Variants in ADAMTSL1 observed in about 807,000 individuals in gnomAD.
ADAMTSL1 encodes ADAMTS like 1.
Under a neutral mutation model 201.8 loss-of-function variants are expected in ADAMTSL1, and 126 were observed. That is an observed-to-expected ratio of 0.62 (90% CI 0.54 to 0.72). The LOEUF is 0.72. Among genes scored for constraint, ADAMTSL1 ranks in the 30% least tolerant of loss-of-function variants. The probability of loss-of-function intolerance (pLI) is 0.00; values close to 1 mark genes in which losing one functional copy is unlikely to be tolerated. For missense variants in ADAMTSL1, 2,679 were observed against 2,277.8 expected (o/e 1.18, Z -3.59); for synonymous variants, 1,121 against 903.4 (o/e 1.24, Z -4.32).
intron 2 of ADAMTSL1, among the ~76,000 whole-genome samples, chr9:18,221,911 C>T (rs934940685): frequency 6.6e-6 from 1 of 151,964 alleles, no homozygotes; most frequent in Non-Finnish European, 1.5e-5. Context: ...ACCATTATGA[C>T]AAATTTATAA....
At chr9:18,605,086 T>G (rs1824925468) in intron 4 of ADAMTSL1, among the ~76,000 whole-genome samples, 1 of 152,214 alleles carries the variant, frequency 6.6e-6, no homozygotes, top group South Asian at 2.1e-4. Context: ...GCCATGGAAC[T>G]CCTCTCACTT....
intron 21 of ADAMTSL1, among the ~76,000 whole-genome samples, chr9:18,821,222 T>C (rs1824190500): frequency 6.6e-6 from 1 of 152,194 alleles, no homozygotes; most frequent in Admixed American, 6.5e-5. Context: ...CCCCCAAATG[T>C]ATAATGGCTC....
chr9:17,909,288 G>A (rs1475519991), intron 1 of ADAMTSL1, among the ~76,000 whole-genome samples: 1 of 146,772 alleles, frequency 6.8e-6, no homozygotes, highest in African/African-American at 2.5e-5. Context: ...TCACTCTGAT[G>A]GTAGTTTCTT....
intron 3 of ADAMTSL1, among the ~76,000 whole-genome samples, chr9:18,550,620 A>T (rs1275354013): frequency 2.0e-5 from 3 of 151,898 alleles, no homozygotes; most frequent in Non-Finnish European, 1.5e-5. Context: ...TCTAAAAAGT[A>T]AGCCCTTCCA....
At chr9:18,387,251 GTAAA>G (rs1306751690) in intron 2 of ADAMTSL1, among the ~76,000 whole-genome samples, 1 of 152,000 alleles carries the variant, frequency 6.6e-6, no homozygotes, top group African/African-American at 2.4e-5. Flanking sequence ...AACATATAAG[GTAAA>G]TAAATAGTCA....
chr9:18,801,596 C>G (rs188772990), intron 20 of ADAMTSL1, among the ~76,000 whole-genome samples: 176 of 152,286 alleles, frequency 1.2e-3, no homozygotes, highest in African/African-American at 4.1e-3. Context: ...GAATTCTCAT[C>G]ATTTAGTTCC....
At chr9:18,253,857 G>A (rs1831565013) in intron 2 of ADAMTSL1, among the ~76,000 whole-genome samples, 1 of 152,200 alleles carries the variant, frequency 6.6e-6, no homozygotes. Context: ...TTCTTAGGTA[G>A]TGGGACGAGG....
intron 2 of ADAMTSL1, among the ~76,000 whole-genome samples, chr9:18,304,292 T>A (rs1410193571): frequency 1.3e-5 from 2 of 152,114 alleles, no homozygotes; most frequent in African/African-American, 4.8e-5. Flanking sequence ...CTTTCACTCC[T>A]GCCCCTACCC....
chr9:18,166,775 A>G (rs1408838731), intron 2 of ADAMTSL1, among the ~76,000 whole-genome samples: 1 of 151,968 alleles, frequency 6.6e-6, no homozygotes, highest in Non-Finnish European at 1.5e-5. Context: ...TTCTTTCAAA[A>G]ATGTAAATAA....
chr9:18,758,755 G>T (rs1462196310), intron 16 of ADAMTSL1, among the ~76,000 whole-genome samples: 3 of 152,096 alleles, frequency 2.0e-5, no homozygotes, highest in Non-Finnish European at 4.4e-5. Context: ...TATGCACAGG[G>T]TAATGTGTTC....
chr9:18,474,119 G>T, upstream of ADAMTSL1: 9 of 681,218 alleles, frequency 1.3e-5, no homozygotes, highest in Admixed American at 4.3e-5. Flanking sequence ...AGGGGCTGAT[G>T]GAAGCTGATA....
At chr9:18,006,799 C>T (rs1030883999) in intron 1 of ADAMTSL1, among the ~76,000 whole-genome samples, 10 of 151,960 alleles carry the variant, frequency 6.6e-5, no homozygotes, top group African/African-American at 2.4e-4. Context: ...GTGATGACGA[C>T]ATTTTACCTC....
At position 18,667,416 on chromosome 9, in the gene ADAMTSL1, T is replaced by C. The variant is rs941796996; in HGVS notation, c.1085+5343T>C. Among the ~76,000 whole-genome samples the C allele has an allele frequency of 2.0e-5, 3 of 152,110 alleles. 1 individual carries two copies. In the East Asian group the frequency reaches 5.8e-4, roughly 29 times the overall value. Reference sequence around the variant, plus strand: ...GGTGACCAACTAGTCAATGGCAATATAGCCTGATGTTTAGGAGTGGGAGCT... The same window carrying C: ...GGTGACCAACTAGTCAATGGCAATACAGCCTGATGTTTAGGAGTGGGAGCT... On this transcript the variant is annotated intron_variant, in intron 9 of 28. Transcript: ENST00000380548.
chr9:18,304,547 CAT>C (rs540569545), intron 2 of ADAMTSL1, among the ~76,000 whole-genome samples: 1 of 151,864 alleles, frequency 6.6e-6, no homozygotes, highest in Non-Finnish European at 1.5e-5. Context: ...CACTTAAAAA[CAT>C]ATATAAGCGT....
At chr9:18,548,792 A>G (rs1160139637) in intron 3 of ADAMTSL1, among the ~76,000 whole-genome samples, 1 of 152,080 alleles carries the variant, frequency 6.6e-6, no homozygotes, top group African/African-American at 2.4e-5. Context: ...AGACAGAAAT[A>G]AAGCATTAAA....
intron 1 of ADAMTSL1, among the ~76,000 whole-genome samples, chr9:17,917,675 G>C (rs72695916): frequency 0.02 from 3,079 of 151,948 alleles, 52 homozygotes; most frequent in East Asian, 0.044. Context: ...TTTGGTTTTG[G>C]TATTAGAGCA....
At chr9:17,997,404 C>G (rs565933019) in intron 1 of ADAMTSL1, among the ~76,000 whole-genome samples, 1 of 152,090 alleles carries the variant, frequency 6.6e-6, no homozygotes, top group African/African-American at 2.4e-5. Context: ...TATATATGGG[C>G]AAGGGAATAC....
intron 23 of ADAMTSL1, among the ~76,000 whole-genome samples, chr9:18,860,297 A>T (rs1827128613): frequency 6.6e-6 from 1 of 152,164 alleles, no homozygotes; most frequent in African/African-American, 2.4e-5. Flanking sequence ...GCATACAGAA[A>T]CTCAAATGAT....
In ADAMTSL1 at chr9:18,639,874, G is replaced by T. The variant is rs140542604; in HGVS notation, c.834+463G>T. Among the ~76,000 whole-genome samples the T allele has an allele frequency of 7.0e-3, 1,072 of 152,252 alleles. 18 individuals are homozygous for T. The highest frequency in any genetic ancestry group is 0.025 in the African/African-American group (1,019 of 41,570). On this transcript the variant is annotated intron_variant, in intron 7 of 28. Coordinates refer to ENST00000380548, the MANE Select transcript of ADAMTSL1 (RefSeq NM_001040272.6). The stretch of plus-strand genomic sequence containing the variant: ...AACTAAGTTGTTTCCTTCTATCAGA[G>T]CTTCCCTAGTCTTCAAGGTAATATA...
Sources: allele counts gnomAD v4.1 joint callset (sites outside exome capture counted in the v4.1 genomes callset), GRCh38; gene constraint gnomAD v4.1.1; transcripts MANE v1.5; gene names NCBI Gene and HGNC (gene_info 2026-07-23, HGNC 2026-07-21).